ADAMTS18: variants seen among roughly 807,000 people sequenced by gnomAD.
ADAMTS18 encodes the protein A disintegrin and metalloproteinase with thrombospondin motifs 18.
A neutral mutation model predicts 165.9 loss-of-function variants in ADAMTS18; 157 were observed. The ratio of observed to expected loss-of-function variants is 0.95; its 90% CI spans 0.83 to 1.08. ADAMTS18 has a LOEUF of 1.08. Among genes scored for constraint, ADAMTS18 ranks in the 50% least tolerant of loss-of-function variants. ADAMTS18 has a pLI of 0.00. For missense variants in ADAMTS18, 2,040 were observed against 1,534.0 expected (o/e 1.33, Z -5.51); for synonymous variants, 782 against 578.2 (o/e 1.35, Z -5.06).
chr16:77,393,875 C>G (rs2057222937), intron 3 of ADAMTS18, among the ~76,000 whole-genome samples: 1 of 152,204 alleles, frequency 6.6e-6, no homozygotes, highest in African/African-American at 2.4e-5. Flanking sequence ...CTTCAACTGT[C>G]CTTTGACAAA....
At chr16:77,428,950 T>C (rs1431652738) in intron 3 of ADAMTS18, among the ~76,000 whole-genome samples, 2 of 152,172 alleles carry the variant, frequency 1.3e-5, no homozygotes, top group Non-Finnish European at 2.9e-5. Flanking sequence ...TCAAAATGCA[T>C]ATACAAGAAT....
At chr16:77,400,901 TG>T (rs1323728924) in intron 3 of ADAMTS18, among the ~76,000 whole-genome samples, 1 of 151,642 alleles carries the variant, frequency 6.6e-6, no homozygotes, top group Non-Finnish European at 1.5e-5. Context: ...TTCTGCTTCC[TG>T]GGATCACCTC....
chr16:77,320,215 T>C, intron 15 of ADAMTS18, 122 bp from the exon 16 acceptor site: 3 of 1,201,504 alleles, frequency 2.5e-6, no homozygotes, highest in Non-Finnish European at 2.4e-6. Flanking sequence ...ATTATCTAAA[T>C]TCATTCTTAC....
At chr16:77,395,796 C>T (rs1017084334) in intron 3 of ADAMTS18, among the ~76,000 whole-genome samples, 1 of 151,850 alleles carries the variant, frequency 6.6e-6, no homozygotes, top group African/African-American at 2.4e-5. Context: ...GGCAATAAGA[C>T]CCTCGAGAAA....
intron 22 of ADAMTS18, among the ~76,000 whole-genome samples, chr16:77,286,638 T>A (rs576879999): frequency 2.0e-5 from 3 of 152,250 alleles, no homozygotes; most frequent in African/African-American, 7.2e-5. Context: ...TTTTTATGAT[T>A]TTAGGGTCCT....
intron 2 of ADAMTS18, 54 bp from the exon 3 acceptor site, chr16:77,431,665 T>A: frequency 6.3e-7 from 1 of 1,585,202 alleles, no homozygotes; most frequent in Non-Finnish European, 8.6e-7. Flanking sequence ...TTCCAAATGG[T>A]CTCTTTCCAG....
chr16:77,399,155 C>G (rs1390832111), intron 3 of ADAMTS18, among the ~76,000 whole-genome samples: 1 of 152,190 alleles, frequency 6.6e-6, no homozygotes, highest in Non-Finnish European at 1.5e-5. Flanking sequence ...CCACTTTACT[C>G]AGGCTTAGAG....
chr16:77,340,509 T>C (rs2056382085), intron 11 of ADAMTS18, among the ~76,000 whole-genome samples: 1 of 152,176 alleles, frequency 6.6e-6, no homozygotes, highest in Non-Finnish European at 1.5e-5. Flanking sequence ...ACAACTCTGG[T>C]TTATTTATCT....
chr16:77,401,266 A>C (rs1179408825), intron 3 of ADAMTS18, among the ~76,000 whole-genome samples: 2 of 152,154 alleles, frequency 1.3e-5, no homozygotes, highest in African/African-American at 4.8e-5. Flanking sequence ...AACAACAACA[A>C]TAACAACAAC....
chr16:77,389,540 A>G (rs1220385325), intron 3 of ADAMTS18, among the ~76,000 whole-genome samples: 3 of 152,172 alleles, frequency 2.0e-5, no homozygotes, highest in Non-Finnish European at 4.4e-5. Flanking sequence ...TAAGTAATGG[A>G]GCAGGGCTGA....
At chr16:77,380,507 A>G (rs1033425589) in intron 3 of ADAMTS18, among the ~76,000 whole-genome samples, 1 of 152,246 alleles carries the variant, frequency 6.6e-6, no homozygotes, top group Non-Finnish European at 1.5e-5. Flanking sequence ...GCCCATTCTC[A>G]AAAGAGTATG....
intron 3 of ADAMTS18, among the ~76,000 whole-genome samples, chr16:77,368,650 A>G: frequency 6.6e-6 from 1 of 151,712 alleles, no homozygotes; most frequent in East Asian, 1.9e-4. Flanking sequence ...GCTTCAAGTG[A>G]TCCTCCTACC....
At chr16:77,380,821 A>T (rs1026894412) in intron 3 of ADAMTS18, among the ~76,000 whole-genome samples, 3 of 152,148 alleles carry the variant, frequency 2.0e-5, no homozygotes, top group South Asian at 4.2e-4. Flanking sequence ...TATCTGCAGA[A>T]TTTCAACTGA....
rs369984540 is a variant in ADAMTS18 at position 77,293,183 on chromosome 16, C to T, written c.3082G>A (p.Glu1028Lys). Residue 1028 changes from glutamate (E) to lysine (K), a missense_variant, in exon 20 of 23, where the codon GAG becomes AAG. By Grantham distance (56) the Glu-to-Lys change is moderately conservative. Coordinates refer to ENST00000282849, the MANE Select transcript of ADAMTS18 (RefSeq NM_199355.4). ...CKGSAAETLP[E>K]SQCTSLPRPE... Reference sequence around the variant, plus strand: ...CTGGGGAGACTGGTACACTGGCTCTCGGGGAGGGTTTCTGCGGCAGAGCCC... The same window carrying T: ...CTGGGGAGACTGGTACACTGGCTCTTGGGGAGGGTTTCTGCGGCAGAGCCC... The T allele has an allele frequency of 6.2e-6, 10 of 1,613,880 alleles. No homozygotes were observed. The highest frequency in any genetic ancestry group is 1.6e-4 in the Middle Eastern group (1 of 6,084).
chr16:77,401,706 A>G (rs1422691293), intron 3 of ADAMTS18, among the ~76,000 whole-genome samples: 1 of 152,240 alleles, frequency 6.6e-6, no homozygotes, highest in African/African-American at 2.4e-5. Context: ...GGGAATCAGT[A>G]GACTAAAGAG....
At chr16:77,289,012 G>C (rs138732455) in intron 22 of ADAMTS18, among the ~76,000 whole-genome samples, 1 of 152,184 alleles carries the variant, frequency 6.6e-6, no homozygotes, top group Non-Finnish European at 1.5e-5. Flanking sequence ...ATGAACCCGG[G>C]AGGCAGAGGT....
At chr16:77,317,429 G>T (rs2055907492) in intron 16 of ADAMTS18, among the ~76,000 whole-genome samples, 1 of 152,028 alleles carries the variant, frequency 6.6e-6, no homozygotes, top group African/African-American at 2.4e-5. Flanking sequence ...TGCCTCCCAG[G>T]TTCAAGTGAT....
chr16:77,307,341 A>C (rs2055699742), intron 16 of ADAMTS18, among the ~76,000 whole-genome samples: 2 of 152,180 alleles, frequency 1.3e-5, no homozygotes, highest in Admixed American at 6.5e-5. Context: ...TCAAAGCTGG[A>C]AGAACATGAC....
At chr16:77,289,538 A>T (rs1264702657) in intron 21 of ADAMTS18, 127 bp from the exon 22 acceptor site, 6 of 1,101,978 alleles carry the variant, frequency 5.4e-6, no homozygotes, top group Non-Finnish European at 8.0e-6. Context: ...GGCTGGAGCC[A>T]GGCACATGTG....
Sources: allele counts gnomAD v4.1 joint callset (sites outside exome capture counted in the v4.1 genomes callset), GRCh38; gene constraint gnomAD v4.1.1; transcripts MANE v1.5; gene names NCBI Gene and HGNC (gene_info 2026-07-23, HGNC 2026-07-21).